Variants in SBK3 observed in about 807,000 individuals in gnomAD.
SBK3 encodes uncharacterized serine/threonine-protein kinase SBK3.
A neutral mutation model predicts 12.7 loss-of-function variants in SBK3; 16 were observed. That is an observed-to-expected ratio of 1.26 (90% CI 0.86 to 1.92). The LOEUF is 1.92. SBK3 is among the 40% of genes most tolerant of loss of function. The pLI is 0.00. For synonymous variants in SBK3, 217 were observed against 213.6 expected, an observed-to-expected ratio of 1.02 and a Z score of -0.14; for missense variants, 462 against 481.8, an observed-to-expected ratio of 0.96 and a Z score of 0.38.
intron 3 of SBK3, among the ~76,000 whole-genome samples, chr19:55,543,347 C>CCCAT (rs1988607171): frequency 1.7e-5 from 2 of 117,296 alleles, no homozygotes; most frequent in African/African-American, 3.2e-5. Flanking sequence ...CACCCACCCA[C>CCCAT]CCATCCATCC....
Position 55,541,117 on chromosome 19 carries a change from G to A in SBK3, c.809C>T (p.Pro270Leu). Residue 270 changes from proline (P) to leucine (L), a missense_variant, in exon 4 of 4, where the codon CCA (proline) becomes CTA (leucine). Coordinates refer to ENST00000612221, the MANE Select transcript of SBK3 (RefSeq NM_001199824.2). This position sits in a 1 kb window ranked among gnomAD's most constrained non-coding sequence, Gnocchi z 5.3. The part of the protein sequence containing the change: ...TTKPQPPQPP[P>L]PWDQFAPPAL... Reference sequence around the variant, plus strand: ...TGGGGGCGCAAACTGGTCCCAGGGTGGTGGTGGCTGAGGTGGCTGAGGCTT... The same window carrying A: ...TGGGGGCGCAAACTGGTCCCAGGGTAGTGGTGGCTGAGGTGGCTGAGGCTT... 1 of 1,535,828 alleles carries A rather than the reference G, an allele frequency of 6.5e-7. No homozygotes were observed. The highest frequency in any genetic ancestry group is 1.2e-5 in the South Asian group (1 of 84,038).
chr19:55,541,288 G>T lies in SBK3; in HGVS notation c.638C>A (p.Pro213Gln). ...TGGCCGCAGAGGCAGGGTGTCGGGC[G>T]GTAGCAGGAGACAGAGCTCAGGCGG... ...TAPPELCLLL[P>Q]PDTLPLRPAV... Residue 213 changes from proline (P) to glutamine (Q), a missense_variant, in exon 4 of 4, where the codon CCG (proline) becomes CAG (glutamine). Transcript: ENST00000612221. The surrounding 1 kb of genome is among the most constrained non-coding windows in gnomAD (Gnocchi z 5.3). 6.5e-7 allele frequency: 1 copy of T among 1,535,740 alleles called. No individual in the cohort carries two copies.
At position 55,540,834 on chromosome 19, in the gene SBK3, T is replaced by C; in HGVS notation, c.*12A>G. On this transcript the variant is annotated 3_prime_UTR_variant, in exon 4 of 4. Coordinates refer to ENST00000612221, the MANE Select transcript of SBK3 (RefSeq NM_001199824.2). ...CTGGCCCAGGCTCTGGCCACCTGTC[T>C]CTGTCACCTGGTCAGGGAGCTCCCC... The C allele has an allele frequency of 1.3e-6, 2 of 1,535,482 alleles. No individual in the cohort carries two copies. Among genetic ancestry groups the C allele is most frequent in the South Asian group, 2.4e-5 (2 of 84,058 alleles).
rs766910374 is a variant in SBK3 at position 55,541,341 on chromosome 19, G to A, written c.585C>T (p.Pro195=). The part of the protein sequence containing the change: ...GLTRPEGSPT[P]APPVPLPTAP... ...CCGTGGGCAGAGGCACTGGTGGGGC[G>A]GGGGTCGGGCTGCCCTCTGGCCGGG... The change falls in exon 4 of 4, where the codon CCC becomes CCT. Residue 195 remains proline (P), a synonymous_variant. Coordinates refer to ENST00000612221, the MANE Select transcript of SBK3 (RefSeq NM_001199824.2). The surrounding 1 kb of genome is among the most constrained non-coding windows in gnomAD (Gnocchi z 5.3). The A allele has an allele frequency of 1.4e-5, 21 of 1,534,976 alleles. No homozygotes were observed. Among genetic ancestry groups the A allele is most frequent in the Admixed American group, 7.9e-5 (4 of 50,936 alleles).
Position 55,544,139 on chromosome 19 carries a change from G to A in SBK3, c.360C>T (p.Tyr120=), listed in dbSNP as rs368790543. 84 of 1,532,770 alleles carry A rather than the reference G, an allele frequency of 5.5e-5. No homozygotes were observed. Among genetic ancestry groups the A allele is most frequent in the South Asian group, 4.4e-4 (37 of 83,718 alleles). 94.9% of individuals were successfully genotyped at this position (1,532,770 alleles called of 1,614,324 possible). Residue 120 remains tyrosine (Y), a synonymous_variant, in exon 3 of 4, where the codon TAC becomes TAT. Coordinates refer to ENST00000612221, the MANE Select transcript of SBK3 (RefSeq NM_001199824.2). ...TPRYFAFAQE[Y]APCGDLSGML... is the part of the protein sequence containing the mutation. ...TCCCGCTGAGGTCCCCACAGGGCGC[G>A]TACTCCTGGGCGAAGGCAAAATAGC...
At chr19:55,544,347 C>G in intron 2 of SBK3, 45 bp from the exon 3 acceptor site, 1 of 1,441,348 alleles carries the variant, frequency 6.9e-7, no homozygotes, top group Non-Finnish European at 9.4e-7. Flanking sequence ...GGCTCCAGTC[C>G]TGCTGTGGGG....
chr19:55,541,261 G>T lies in SBK3; in HGVS notation c.665C>A (p.Ala222Asp). 1 of 1,535,996 alleles carries T rather than the reference G, an allele frequency of 6.5e-7. No individual in the cohort carries two copies. The highest frequency in any genetic ancestry group is 8.7e-7 in the Non-Finnish European group (1 of 1,146,868). Residue 222 changes from alanine (A) to aspartate (D), a missense_variant, in exon 4 of 4, where the codon GCC becomes GAC. Physicochemically the swap from Ala to Asp is moderately radical, Grantham distance 126. Coordinates refer to ENST00000612221, the MANE Select transcript of SBK3 (RefSeq NM_001199824.2). The surrounding 1 kb of genome is among the most constrained non-coding windows in gnomAD (Gnocchi z 5.3). The part of the protein sequence containing the change: ...LPPDTLPLRP[A>D]VDSWGLGVLL... ...CACCCCCAGGCCCCAGGAGTCCACG[G>T]CTGGCCGCAGAGGCAGGGTGTCGGG...
At chr19:55,542,163 T>A (rs1013039122) in intron 3 of SBK3, among the ~76,000 whole-genome samples, 2 of 152,214 alleles carry the variant, frequency 1.3e-5, no homozygotes, top group African/African-American at 4.8e-5. Flanking sequence ...GCCAGCCAGC[T>A]GGCCAGGCAG....
intron 2 of SBK3, 64 bp from the exon 3 acceptor site, chr19:55,544,366 A>G: frequency 7.8e-7 from 1 of 1,282,762 alleles, no homozygotes; most frequent in Non-Finnish European, 1.1e-6. Flanking sequence ...GGCCTGAGGG[A>G]AGCCGTGTAA....
At position 55,540,859 on chromosome 19, in the gene SBK3, C is replaced by T; in HGVS notation, c.1067G>A (p.Gly356Glu). ...TCTGTCACCTGGTCAGGGAGCTCCC[C>T]CATCTGTCCCCGTCCTCCCACCACT... is the stretch of plus-strand genomic sequence containing the variant. ...SKSGGRTGTD[G>E]GAP Residue 356 changes from glycine to glutamate, a missense_variant, in exon 4 of 4, where the codon GGG becomes GAG. Coordinates refer to ENST00000612221, the MANE Select transcript of SBK3 (RefSeq NM_001199824.2). The T allele has an allele frequency of 6.5e-7, 1 of 1,536,102 alleles. No homozygotes were observed. Among genetic ancestry groups the T allele is most frequent in the Non-Finnish European group, 8.7e-7 (1 of 1,146,872 alleles).
chr19:55,540,951 G>T lies in SBK3; in HGVS notation c.975C>A (p.Ser325=). ...EGPGVLGSAV[S]YEDREEGGSS... is the part of the protein sequence containing the mutation. ...AGCCTCCCTCCTCCCTGTCCTCATA[G>T]GACACGGCGCTCCCCAAAACCCCAG... Residue 325 remains serine, a synonymous_variant, in exon 4 of 4, where the codon TCC becomes TCA. Transcript: ENST00000612221. 6.5e-7 allele frequency: 1 copy of T among 1,535,942 alleles called. No homozygotes were observed. Among genetic ancestry groups the T allele is most frequent in the Non-Finnish European group, 8.7e-7 (1 of 1,146,788 alleles).
rs1183618454 is a variant in SBK3, at chr19:55,545,458, T to G, written c.45+41A>C. On this transcript the variant is annotated intron_variant, in intron 1 of 3. Transcript: ENST00000612221. This position sits in a 1 kb window ranked among gnomAD's most constrained non-coding sequence, Gnocchi z 4.4. ...GTTGCCTCCTGCCTCTCTCTCCTTC[T>G]TTTCTCTCTCTGTCTTCCTCCCCTG... 6.8e-7 allele frequency: 1 copy of G among 1,475,108 alleles called. No homozygotes were observed. The highest frequency in any genetic ancestry group is 2.5e-5 in the East Asian group (1 of 40,492). 91.4% of individuals were successfully genotyped at this position (1,475,108 alleles called of 1,614,324 possible).
At position 55,545,171 on chromosome 19, in the gene SBK3, CCTGT is replaced by C. The variant is rs924346058; in HGVS notation, c.46-226_46-223del. Reference sequence around the variant, plus strand: ...CACTGCCACAGAGGCCCCGCCTGCCCCTGTCTGTGGGAGCAGGCCAGGAGCCCCC... The same window carrying C: ...CACTGCCACAGAGGCCCCGCCTGCCCCTGTGGGAGCAGGCCAGGAGCCCCC... On this transcript the variant is annotated intron_variant, in intron 1 of 3. Transcript: ENST00000612221. This position sits in a 1 kb window ranked among gnomAD's most constrained non-coding sequence, Gnocchi z 4.4. The C allele has an allele frequency of 5.2e-6, 3 of 579,554 alleles. No individual in the cohort carries two copies. The African/African-American group carries it at 5.7e-5, about 11-fold the overall frequency. The allele number at this position is 579,554 out of a possible 1,614,324, so 35.9% of individuals were successfully genotyped here.
In SBK3 at chr19:55,541,791, C is replaced by G. The variant is rs969175521; in HGVS notation, c.400-265G>C. Among the ~76,000 whole-genome samples the G allele has an allele frequency of 1.3e-5, 2 of 152,186 alleles. No individual in the cohort carries two copies. The highest frequency in any genetic ancestry group is 4.8e-5 in the African/African-American group (2 of 41,428). On this transcript the variant is annotated intron_variant, in intron 3 of 3. Coordinates refer to ENST00000612221, the MANE Select transcript of SBK3 (RefSeq NM_001199824.2). The surrounding 1 kb of genome is among the most constrained non-coding windows in gnomAD (Gnocchi z 5.3). The stretch of plus-strand genomic sequence containing the variant: ...GACTAGTGGCTACCTCCAGTGTTCC[C>G]ACCACATGCTCCCAAAGACTTTCTC...
At chr19:55,542,585 G>GTCCA (rs1196039662) in intron 3 of SBK3, among the ~76,000 whole-genome samples, 17 of 99,008 alleles carry the variant, frequency 1.7e-4, no homozygotes, top group African/African-American at 7.0e-4. Flanking sequence ...CCTTCCTTCC[G>GTCCA]TCCATCCATC....
intron 2 of SBK3, 85 bp from the exon 3 acceptor site, chr19:55,544,387 C>T (rs1223589354): frequency 9.3e-7 from 1 of 1,078,958 alleles, no homozygotes; most frequent in Non-Finnish European, 1.3e-6. Flanking sequence ...ACTCTCTGAG[C>T]CTCACACTTC....
In SBK3 at chr19:55,541,384, A is replaced by G. The variant is rs966252693; in HGVS notation, c.542T>C (p.Leu181Pro). The change falls in exon 4 of 4, where the codon CTG becomes CCG. Residue 181 changes from leucine to proline, a missense_variant. Leu to Pro is a moderately conservative substitution (Grantham distance 98). Transcript: ENST00000612221. The surrounding 1 kb of genome is among the most constrained non-coding windows in gnomAD (Gnocchi z 5.3). ...VFDPVCSRVA[L>P]GDLGLTRPEG... ...TGGCCGGGTCAGACCCAGGTCTCCCAGGGCCACACGGCTGCAGACCGGGTC... is the reference window on the plus strand; with the variant it reads ...TGGCCGGGTCAGACCCAGGTCTCCCGGGGCCACACGGCTGCAGACCGGGTC... 1.4e-5 allele frequency: 22 copies of G among 1,535,702 alleles called. No homozygotes were observed. The highest frequency in any genetic ancestry group is 7.8e-5 in the Admixed American group (4 of 50,978).
In SBK3 at chr19:55,541,111, C is replaced by G. The variant is rs751639933; in HGVS notation, c.815G>C (p.Trp272Ser). The G allele has an allele frequency of 2.0e-6, 3 of 1,535,702 alleles. No homozygotes were observed. In the Admixed American group the frequency reaches 5.9e-5, roughly 30 times the overall value. ...KPQPPQPPPPWDQFAPPALAL... is the reference protein window; with the variant it reads ...KPQPPQPPPPSDQFAPPALAL... ...CAGGGCTGGGGGCGCAAACTGGTCC[C>G]AGGGTGGTGGTGGCTGAGGTGGCTG... Residue 272 changes from tryptophan (W) to serine (S), a missense_variant, in exon 4 of 4, where the codon TGG (tryptophan) becomes TCG (serine). Transcript: ENST00000612221. The surrounding 1 kb of genome is among the most constrained non-coding windows in gnomAD (Gnocchi z 5.3).
chr19:55,540,812 GC>G lies in SBK3; in HGVS notation c.*33del. The G allele has an allele frequency of 6.6e-7, 1 of 1,525,588 alleles. No homozygotes were observed. The highest frequency in any genetic ancestry group is 8.8e-7 in the Non-Finnish European group (1 of 1,137,402). The allele number at this position is 1,525,588 out of a possible 1,614,324, so 94.5% of individuals were successfully genotyped here. A position where few individuals can be genotyped will look rare whatever the true frequency, so the allele number is the denominator to read the frequency against. On this transcript the variant is annotated 3_prime_UTR_variant, in exon 4 of 4. Coordinates refer to ENST00000612221, the MANE Select transcript of SBK3 (RefSeq NM_001199824.2). ...CTGGGGGCTGGGGGAAGGGCCTCTG[GC>G]CCAGGCTCTGGCCACCTGTCTCTGT...
Sources: gnomAD v4.1 joint callset for allele counts (sites outside exome capture counted in the v4.1 genomes callset) on GRCh38, gnomAD v4.1.1 for gene constraint, Gnocchi (gnomAD v3.1) non-coding constraint, MANE v1.5 for transcripts, NCBI Gene and HGNC (gene_info 2026-07-23, HGNC 2026-07-21) for gene names.